SART1: variants seen among roughly 807,000 people sequenced by gnomAD.
SART1 encodes U4/U6.U5 tri-snRNP-associated protein 1.
SART1 carries 28 observed loss-of-function variants against 105.0 expected under a neutral mutation model. The ratio of observed to expected loss-of-function variants is 0.27; its 90% CI spans 0.20 to 0.37. The LOEUF (loss-of-function observed/expected upper bound fraction) is 0.37. SART1 is among the 10% of genes least tolerant of loss of function. The pLI is 1.00. For synonymous variants in SART1, 472 were observed against 462.9 expected (o/e 1.02, Z -0.25); for missense variants, 894 against 1,106.5 (o/e 0.81, Z 2.72).
chr11:65,964,383 C>CT lies in SART1; in HGVS notation c.372-131dup. 3.5e-6 allele frequency: 4 copies of CT among 1,130,042 alleles called. No homozygotes were observed. In the South Asian group the frequency reaches 5.2e-5, roughly 15 times the overall value. The allele number at this position is 1,130,042 out of a possible 1,614,324, so 70.0% of individuals were successfully genotyped here. ...GGAGGCCAGGGCCCTTCCCAGTGTC[C>CT]TAGGCTGCCTGGGGCAGACTTTGTG... is the stretch of plus-strand genomic sequence containing the variant. On this transcript the variant is annotated intron_variant, in intron 2 of 19. Coordinates refer to ENST00000312397, the MANE Select transcript of SART1 (RefSeq NM_005146.5).
At position 65,969,755 on chromosome 11, in the gene SART1, G is replaced by T. The variant is rs142979429; in HGVS notation, c.1572+1934G>T. On this transcript the variant is annotated intron_variant, in intron 12 of 19. Coordinates refer to ENST00000312397, the MANE Select transcript of SART1 (RefSeq NM_005146.5). Reference sequence around the variant, plus strand: ...TTGTTGTTGTTTGAGACGGAGTCTCGCTCTGTCACCAGGCTGGAGTGCAGT... The same window carrying T: ...TTGTTGTTGTTTGAGACGGAGTCTCTCTCTGTCACCAGGCTGGAGTGCAGT... 6.3e-4 allele frequency among the ~76,000 whole-genome samples: 96 copies of T among 151,852 alleles called. No homozygotes were observed. In the East Asian group the frequency reaches 0.017, roughly 27 times the overall value.
Position 65,978,347 on chromosome 11 carries a change from C to T in SART1, c.2173-253C>T, listed in dbSNP as rs1033948963. ...CCCCAGCGTCCAGGCCCAGCCCCTG[C>T]GTGGCAGGTCTCCAGGTTCCCCATG... is the stretch of plus-strand genomic sequence containing the variant. On this transcript the variant is annotated intron_variant, in intron 17 of 19. Transcript: ENST00000312397. This position sits in a 1 kb window ranked among gnomAD's most constrained non-coding sequence, Gnocchi z 6.8. 9 of 551,542 alleles carry T rather than the reference C, an allele frequency of 1.6e-5. No individual in the cohort carries two copies. The highest frequency in any genetic ancestry group is 2.0e-5 in the South Asian group (1 of 49,582). 34.2% of individuals were successfully genotyped at this position (551,542 alleles called of 1,614,324 possible). A position where few individuals can be genotyped will look rare whatever the true frequency, so the allele number is the denominator to read the frequency against.
At chr11:65,972,699 C>G (rs772811001) in intron 12 of SART1, among the ~76,000 whole-genome samples, 6 of 150,536 alleles carry the variant, frequency 4.0e-5, no homozygotes, top group African/African-American at 7.3e-5. Context: ...TCTAGGAGTT[C>G]GAGGTTATAG....
At chr11:65,962,130 CG>C in intron 1 of SART1, 37 bp downstream of exon 1, 1 of 111,090 alleles carries the variant, frequency 9.0e-6, no homozygotes, top group South Asian at 1.0e-4. Context: ...GCGGGTCGGG[CG>C]GGGGTCCCGG....
chr11:65,977,231 G>C (rs1855501645), intron 15 of SART1, 130 bp downstream of exon 15: 1 of 677,444 alleles, frequency 1.5e-6, no homozygotes, highest in African/African-American at 1.8e-5. Context: ...GTCCGGCCCA[G>C]AGCCACTCCT....
intron 12 of SART1, among the ~76,000 whole-genome samples, chr11:65,973,774 A>G (rs1370988859): frequency 2.0e-5 from 3 of 152,244 alleles, no homozygotes; most frequent in African/African-American, 4.8e-5. Flanking sequence ...CTGTGATTCC[A>G]TAGTGGAAAC....
chr11:65,978,113 C>T lies in SART1; in HGVS notation c.2172+214C>T. On this transcript the variant is annotated intron_variant, in intron 17 of 19. Coordinates refer to ENST00000312397, the MANE Select transcript of SART1 (RefSeq NM_005146.5). The surrounding 1 kb of genome is among the most constrained non-coding windows in gnomAD (Gnocchi z 6.8). ...TCTAGTGGGCACAGCAGTCTCTTTG[C>T]AAGCCTGGCAGGAGGGTCAGACAGG... is the stretch of plus-strand genomic sequence containing the variant. 1 of 593,722 alleles carries T rather than the reference C, an allele frequency of 1.7e-6. No individual in the cohort carries two copies. Among genetic ancestry groups the T allele is most frequent in the Non-Finnish European group, 3.0e-6 (1 of 335,936 alleles). 36.8% of individuals were successfully genotyped at this position (593,722 alleles called of 1,614,324 possible).
At position 65,978,225 on chromosome 11, in the gene SART1, C is replaced by A; in HGVS notation, c.2172+326C>A. ...CGCAGGGCCATTCCAGCGTCCAGGCCCTTCCAGCACTCTCGTAGGCCGCCC... is the reference window on the plus strand; with the variant it reads ...CGCAGGGCCATTCCAGCGTCCAGGCACTTCCAGCACTCTCGTAGGCCGCCC... On this transcript the variant is annotated intron_variant, in intron 17 of 19. Coordinates refer to ENST00000312397, the MANE Select transcript of SART1 (RefSeq NM_005146.5). This position sits in a 1 kb window ranked among gnomAD's most constrained non-coding sequence, Gnocchi z 6.8. 2 of 498,950 alleles carry A rather than the reference C, an allele frequency of 4.0e-6. No individual in the cohort carries two copies. Among genetic ancestry groups the A allele is most frequent in the Admixed American group, 3.4e-5 (1 of 29,474 alleles). The allele number at this position is 498,950 out of a possible 1,614,324, so 30.9% of individuals were successfully genotyped here.
In SART1 at chr11:65,965,874, A is replaced by AT; in HGVS notation, c.739-11dup. On this transcript the variant is annotated splice_polypyrimidine_tract_variant and intron_variant, in intron 6 of 19. Coordinates refer to ENST00000312397, the MANE Select transcript of SART1 (RefSeq NM_005146.5). The stretch of plus-strand genomic sequence containing the variant: ...GTGGAGGGAGGTTCCTGACTCGCCG[A>AT]TTCTTCCCTTAGGACCTGTACAGTG... 1 of 1,613,950 alleles carries AT rather than the reference A, an allele frequency of 6.2e-7. No homozygotes were observed. Among genetic ancestry groups the AT allele is most frequent in the Non-Finnish European group, 8.5e-7 (1 of 1,179,938 alleles).
At chr11:65,973,207 T>G (rs1319439671) in intron 12 of SART1, among the ~76,000 whole-genome samples, 1 of 152,034 alleles carries the variant, frequency 6.6e-6, no homozygotes, top group Non-Finnish European at 1.5e-5. Context: ...AAGTTTTTTG[T>G]TTTTTGTTTT....
intron 2 of SART1, 117 bp downstream of exon 2, chr11:65,964,248 A>T: frequency 1.0e-6 from 1 of 983,348 alleles, no homozygotes; most frequent in Non-Finnish European, 1.6e-6. Flanking sequence ...AAGATTGTTT[A>T]AATCATCTTA....
In SART1 at chr11:65,978,065, G is replaced by A; in HGVS notation, c.2172+166G>A. ...ATGGGGAGGGGGCCCTCAGGGCTGA[G>A]GAAGGCTGTGCCTCAGTTTGTCTCT... On this transcript the variant is annotated intron_variant, in intron 17 of 19. Coordinates refer to ENST00000312397, the MANE Select transcript of SART1 (RefSeq NM_005146.5). The surrounding 1 kb of genome is among the most constrained non-coding windows in gnomAD (Gnocchi z 6.8). The A allele has an allele frequency of 1.4e-6, 1 of 707,664 alleles. No individual in the cohort carries two copies. Among genetic ancestry groups the A allele is most frequent in the Non-Finnish European group, 2.3e-6 (1 of 431,536 alleles). 43.8% of individuals were successfully genotyped at this position (707,664 alleles called of 1,614,324 possible).
In SART1 at chr11:65,978,012, C is replaced by G; in HGVS notation, c.2172+113C>G. 1 of 1,196,444 alleles carries G rather than the reference C, an allele frequency of 8.4e-7. No individual in the cohort carries two copies. Among genetic ancestry groups the G allele is most frequent in the Non-Finnish European group, 1.2e-6 (1 of 856,592 alleles). 74.1% of individuals were successfully genotyped at this position (1,196,444 alleles called of 1,614,324 possible). A position where few individuals can be genotyped will look rare whatever the true frequency, so the allele number is the denominator to read the frequency against. ...CCCAGGGTCCTGGCTCCACCAGCCT[C>G]TGGCTGGGGGCCTGGTGAATGCCAC... On this transcript the variant is annotated intron_variant, in intron 17 of 19. Coordinates refer to ENST00000312397, the MANE Select transcript of SART1 (RefSeq NM_005146.5). The surrounding 1 kb of genome is among the most constrained non-coding windows in gnomAD (Gnocchi z 6.8).
rs1207850202 is a variant in SART1, at chr11:65,965,339, C to G, written c.555-3C>G. The stretch of plus-strand genomic sequence containing the variant: ...CTTGAGCATCACTTTTTCCCCTCTT[C>G]AGGAAGATAAAGACCCTAGGAGAGG... On this transcript the variant is annotated splice_polypyrimidine_tract_variant and splice_region_variant and intron_variant, in intron 4 of 19. Coordinates refer to ENST00000312397, the MANE Select transcript of SART1 (RefSeq NM_005146.5). 2 of 1,593,182 alleles carry G rather than the reference C, an allele frequency of 1.3e-6. No homozygotes were observed. The highest frequency in any genetic ancestry group is 2.3e-5 in the South Asian group (2 of 88,432).
chr11:65,965,416 T>A lies in SART1; in HGVS notation c.629T>A (p.Leu210Gln). ...TAAWIERSRQ[L>Q]QKEKDLAEKR... ...GCCTGGATCGAGAGGAGCCGGCAGCTGCAGAAGGAGAAGGACCTGGCAGAG... is the reference window on the plus strand; with the variant it reads ...GCCTGGATCGAGAGGAGCCGGCAGCAGCAGAAGGAGAAGGACCTGGCAGAG... The change falls in exon 5 of 20, where the codon CTG (leucine) becomes CAG (glutamine). Residue 210 changes from leucine (L) to glutamine (Q), a missense_variant. Transcript: ENST00000312397. 1.9e-6 allele frequency: 3 copies of A among 1,565,396 alleles called. No homozygotes were observed. Among genetic ancestry groups the A allele is most frequent in the South Asian group, 1.2e-5 (1 of 85,316 alleles).
Position 65,961,763 on chromosome 11 carries a change from C to G in SART1, c.-18C>G. The G allele has an allele frequency of 6.8e-7, 1 of 1,478,316 alleles. No individual in the cohort carries two copies. The highest frequency in any genetic ancestry group is 1.5e-5 in the African/African-American group (1 of 67,562). 91.6% of individuals were successfully genotyped at this position (1,478,316 alleles called of 1,614,324 possible). A position where few individuals can be genotyped will look rare whatever the true frequency, so the allele number is the denominator to read the frequency against. ...GTCTGGGCTCGGCGGCAGCCGGGCTCGGAGTGGACGTGCCACTATGGGGTC... is the reference window on the plus strand; with the variant it reads ...GTCTGGGCTCGGCGGCAGCCGGGCTGGGAGTGGACGTGCCACTATGGGGTC... On this transcript the variant is annotated 5_prime_UTR_variant, in exon 1 of 20. Coordinates refer to ENST00000312397, the MANE Select transcript of SART1 (RefSeq NM_005146.5).
Position 65,976,639 on chromosome 11 carries a change from G to A in SART1, c.1747-17G>A. 1 of 1,613,550 alleles carries A rather than the reference G, an allele frequency of 6.2e-7. No individual in the cohort carries two copies. The highest frequency in any genetic ancestry group is 2.2e-5 in the East Asian group (1 of 44,866). The stretch of plus-strand genomic sequence containing the variant: ...GCTGGCTGGGGCCTGGGCCGACCCT[G>A]GTCTTTTGTGCCCCAGGACTTTGAA... On this transcript the variant is annotated splice_polypyrimidine_tract_variant and intron_variant, in intron 13 of 19. Coordinates refer to ENST00000312397, the MANE Select transcript of SART1 (RefSeq NM_005146.5). The surrounding 1 kb of genome is among the most constrained non-coding windows in gnomAD (Gnocchi z 5.1).
chr11:65,971,816 G>A (rs1468953544), intron 12 of SART1, among the ~76,000 whole-genome samples: 2 of 152,082 alleles, frequency 1.3e-5, no homozygotes, highest in Non-Finnish European at 2.9e-5. Context: ...ATGGGTGTGA[G>A]GACAGGGCCT....
At chr11:65,968,859 C>T (rs757765390) in intron 12 of SART1, among the ~76,000 whole-genome samples, 26 of 152,152 alleles carry the variant, frequency 1.7e-4, no homozygotes, top group South Asian at 2.1e-4. Flanking sequence ...CACAGTGGGC[C>T]GGGCACTGCT....
Sources: allele counts gnomAD v4.1 joint callset (sites outside exome capture counted in the v4.1 genomes callset), GRCh38; gene constraint gnomAD v4.1.1; non-coding constraint Gnocchi (gnomAD v3.1); transcripts MANE v1.5; gene names NCBI Gene and HGNC (gene_info 2026-07-23, HGNC 2026-07-21).